The following EPM2A variants were observed in gnomAD, a reference collection of about 807,000 sequenced individuals.
The protein encoded by EPM2A is EPM2A glucan phosphatase, laforin.
EPM2A carries 21 observed loss-of-function variants against 26.5 expected under a neutral mutation model. The observed-to-expected ratio is 0.79, with a 90% CI of 0.56 to 1.14. The LOEUF (loss-of-function observed/expected upper bound fraction) is 1.14. EPM2A is among the 50% of genes most tolerant of loss of function. The probability of loss-of-function intolerance (pLI) is 0.00; values close to 1 mark genes in which losing one functional copy is unlikely to be tolerated. For synonymous variants in EPM2A, 217 were observed against 177.6 expected, an observed-to-expected ratio of 1.22 and a Z score of -1.76; for missense variants, 458 against 440.8, an observed-to-expected ratio of 1.04 and a Z score of -0.35.
intron 4 of EPM2A, among the ~76,000 whole-genome samples, chr6:145,473,632 A>ACT (rs2114727341): frequency 6.6e-6 from 1 of 152,262 alleles, no homozygotes; most frequent in African/African-American, 2.4e-5. Context: ...AAAACTCCTG[A>ACT]AAGTTAAGGT....
At chr6:145,648,347 G>A (rs775577020) in intron 2 of EPM2A, among the ~76,000 whole-genome samples, 1 of 152,180 alleles carries the variant, frequency 6.6e-6, no homozygotes, top group African/African-American at 2.4e-5. Flanking sequence ...TTCTGCAGCT[G>A]TGTTTGTCAA....
chr6:145,479,018 G>A (rs1779579670), intron 4 of EPM2A, among the ~76,000 whole-genome samples: 3 of 151,226 alleles, frequency 2.0e-5, no homozygotes, highest in Admixed American at 2.0e-4. Flanking sequence ...TTTGTGAGGT[G>A]CTGTGTTTTA....
chr6:145,441,859 C>T (rs1779066915), intron 4 of EPM2A, among the ~76,000 whole-genome samples: 1 of 152,166 alleles, frequency 6.6e-6, no homozygotes, highest in Non-Finnish European at 1.5e-5. Flanking sequence ...GAGACTCCAT[C>T]TCAAAAACAA....
At chr6:145,733,068 C>T (rs2128646456) in intron 1 of EPM2A, among the ~76,000 whole-genome samples, 1 of 152,126 alleles carries the variant, frequency 6.6e-6, no homozygotes, top group East Asian at 1.9e-4. Context: ...AGTCTATTTA[C>T]CTTAAACAAG....
chr6:145,613,720 A>AT (rs1013503889), intron 2 of EPM2A, among the ~76,000 whole-genome samples: 1 of 151,998 alleles, frequency 6.6e-6, no homozygotes, highest in Non-Finnish European at 1.5e-5. Flanking sequence ...TTGGAAAGAG[A>AT]TTTTTTTTCT....
Position 145,630,456 on chromosome 6 carries a change from T to TA in EPM2A, c.719-2764dup, listed in dbSNP as rs983889875. On this transcript the variant is annotated intron_variant, in intron 3 of 3. Coordinates refer to ENST00000367519, the MANE Select transcript of EPM2A (RefSeq NM_005670.4). ...GGTAAAACCTCATTTCTACTAAAAT[T>TA]AAAAAAAAAAAAGCCAGGCATGGTG... 4.0e-3 allele frequency: 574 copies of TA among 142,804 alleles called. 3 individuals are homozygous for TA. The highest frequency in any genetic ancestry group is 9.5e-3 in the African/African-American group (369 of 38,936). 8.8% of individuals were successfully genotyped at this position (142,804 alleles called of 1,614,324 possible).
chr6:145,491,226 G>T, intron 4 of EPM2A: 2 of 400,628 alleles, frequency 5.0e-6, no homozygotes, highest in Non-Finnish European at 9.5e-6. Context: ...GTAGGAACTG[G>T]TGTGCAGGGG....
rs188358340 is a variant in EPM2A at position 145,384,757 on chromosome 6, T to C, written c.556-660A>G. ...TGGATCCTGAATATGCATGTGGATA[T>C]GCATCCAAGTACAGATCATCACTAA... is the stretch of plus-strand genomic sequence containing the variant. On this transcript the variant is annotated intron_variant, in intron 4 of 4. Transcript: ENST00000638717. Among the ~76,000 whole-genome samples, 139 of 147,764 alleles carry C rather than the reference T, an allele frequency of 9.4e-4. 23 individuals are homozygous for C. The highest frequency in any genetic ancestry group is 8.7e-3 in the Admixed American group (126 of 14,474).
At chr6:145,452,887 GCTTTGCAAATCAAA>G (rs1419721647) in intron 4 of EPM2A, among the ~76,000 whole-genome samples, 3 of 152,116 alleles carry the variant, frequency 2.0e-5, no homozygotes, top group South Asian at 4.1e-4. Flanking sequence ...ATCTCCTGGT[GCTTTGCAAATCAAA>G]CTTTGCAAAT....
chr6:145,428,242 AATT>A (rs1778877417), intron 4 of EPM2A, among the ~76,000 whole-genome samples: 1 of 151,958 alleles, frequency 6.6e-6, no homozygotes, highest in Admixed American at 6.5e-5. Context: ...ATTTGTATTT[AATT>A]ATTATCTGTA....
At chr6:145,651,924 G>A (rs917267958) in intron 2 of EPM2A, among the ~76,000 whole-genome samples, 20 of 151,928 alleles carry the variant, frequency 1.3e-4, no homozygotes, top group African/African-American at 2.7e-4. Context: ...AATTCTATCC[G>A]CCCTCTTCTC....
At chr6:145,542,779 A>AAGG (rs1780531361) in intron 2 of EPM2A, among the ~76,000 whole-genome samples, 1 of 151,838 alleles carries the variant, frequency 6.6e-6, no homozygotes, top group Non-Finnish European at 1.5e-5. Flanking sequence ...TGTTTTTGAG[A>AAGG]AGGAGTCTCA....
intron 4 of EPM2A, among the ~76,000 whole-genome samples, chr6:145,432,444 T>C (rs1778933787): frequency 6.6e-6 from 1 of 152,160 alleles, no homozygotes; most frequent in Non-Finnish European, 1.5e-5. Context: ...TCCTTTTACA[T>C]TTTCATCAGA....
At chr6:145,504,716 A>G (rs1779945217) in intron 2 of EPM2A, among the ~76,000 whole-genome samples, 1 of 43,064 alleles carries the variant, frequency 2.3e-5, no homozygotes, top group East Asian at 6.4e-4. Flanking sequence ...AACTAGAAAT[A>G]CCATTTGACC....
intron 2 of EPM2A, among the ~76,000 whole-genome samples, chr6:145,527,088 G>A (rs1780285228): frequency 6.6e-6 from 1 of 151,978 alleles, no homozygotes; most frequent in South Asian, 2.1e-4. Context: ...ATGTATTTAT[G>A]TGGTTTTGAG....
chr6:145,506,974 C>T (rs909216573), intron 2 of EPM2A, among the ~76,000 whole-genome samples: 1 of 152,150 alleles, frequency 6.6e-6, no homozygotes, highest in Non-Finnish European at 1.5e-5. Flanking sequence ...TCAACAGGTG[C>T]CTGGTATATG....
chr6:145,480,376 A>G (rs1044962902), intron 4 of EPM2A, among the ~76,000 whole-genome samples: 11 of 152,034 alleles, frequency 7.2e-5, no homozygotes, highest in African/African-American at 2.4e-4. Context: ...AACTATCACA[A>G]GAACGATCCA....
At chr6:145,571,913 A>G (rs1780963382) in intron 2 of EPM2A, among the ~76,000 whole-genome samples, 1 of 152,230 alleles carries the variant, frequency 6.6e-6, no homozygotes, top group Admixed American at 6.5e-5. Context: ...GTGAGCATTT[A>G]CATGGGATAA....
chr6:145,519,289 A>G (rs1780172709), intron 2 of EPM2A, among the ~76,000 whole-genome samples: 1 of 152,126 alleles, frequency 6.6e-6, no homozygotes, highest in South Asian at 2.1e-4. Context: ...TCTCTATTTG[A>G]TGCACCATGG....
Sources: allele counts gnomAD v4.1 joint callset (sites outside exome capture counted in the v4.1 genomes callset), GRCh38; gene constraint gnomAD v4.1.1; transcripts MANE v1.5; gene names NCBI Gene and HGNC (gene_info 2026-07-23, HGNC 2026-07-21).